Variants in CSMD1 observed in about 807,000 individuals in gnomAD.
CSMD1 encodes CUB and Sushi multiple domains 1, also known as CUB and sushi domain-containing protein 1.
Under a neutral mutation model 417.5 loss-of-function variants are expected in CSMD1, and 213 were observed. That is an observed-to-expected ratio of 0.51 (90% CI 0.46 to 0.57). The LOEUF (loss-of-function observed/expected upper bound fraction) is 0.57. Among genes scored for constraint, CSMD1 ranks in the 20% least tolerant of loss-of-function variants. The probability of loss-of-function intolerance (pLI) is 0.00; values close to 1 mark genes in which losing one functional copy is unlikely to be tolerated. For synonymous variants in CSMD1, 2,862 were observed against 1,736.8 expected (o/e 1.65, Z -16.11); for missense variants, 6,923 against 4,529.7 (o/e 1.53, Z -15.17).
At position 3,448,320 on chromosome 8, in the gene CSMD1, G is replaced by A. The variant is rs142700918; in HGVS notation, c.1561+20392C>T. Reference sequence around the variant, plus strand: ...AACTGGTGGGAAGGAAGGAAGGAAGGAAGGGAGCAAGGGAGGGAGGGAGGG... The same window carrying A: ...AACTGGTGGGAAGGAAGGAAGGAAGAAAGGGAGCAAGGGAGGGAGGGAGGG... On this transcript the variant is annotated intron_variant, in intron 12 of 69. Transcript: ENST00000635120. 6.2e-3 allele frequency among the ~76,000 whole-genome samples: 356 copies of A among 57,868 alleles called. 10 individuals are homozygous for A. Among genetic ancestry groups the A allele is most frequent in the East Asian group, 0.028 (32 of 1,138 alleles). 38.0% of individuals were successfully genotyped at this position (57,868 alleles called of 152,430 possible).
At chr8:3,430,705 G>A (rs1213682121) in intron 12 of CSMD1, among the ~76,000 whole-genome samples, 1 of 152,074 alleles carries the variant, frequency 6.6e-6, no homozygotes, top group East Asian at 1.9e-4. Context: ...TACTCAGGAG[G>A]CTGAGGCAAG....
chr8:3,947,718 T>C (rs1358413331), intron 5 of CSMD1, among the ~76,000 whole-genome samples: 1 of 152,212 alleles, frequency 6.6e-6, no homozygotes, highest in Non-Finnish European at 1.5e-5. Context: ...ACTAAGCCTT[T>C]TTTTAACGGC....
chr8:4,520,307 A>G (rs1198749345), intron 2 of CSMD1, among the ~76,000 whole-genome samples: 1 of 152,216 alleles, frequency 6.6e-6, no homozygotes, highest in Non-Finnish European at 1.5e-5. Context: ...CACATGACTA[A>G]TGTAGAACAT....
intron 2 of CSMD1, among the ~76,000 whole-genome samples, chr8:4,630,342 A>G (rs561959327): frequency 6.6e-6 from 1 of 152,090 alleles, no homozygotes; most frequent in East Asian, 1.9e-4. Flanking sequence ...GCATAATAAT[A>G]TCACTTAGGG....
intron 7 of CSMD1, among the ~76,000 whole-genome samples, chr8:3,649,714 T>C (rs1347207964): frequency 6.6e-6 from 1 of 152,160 alleles, no homozygotes; most frequent in Non-Finnish European, 1.5e-5. Context: ...GGGATTATAA[T>C]TCAAGATGAG....
chr8:4,557,416 G>A (rs1473813721), intron 2 of CSMD1, among the ~76,000 whole-genome samples: 3 of 149,660 alleles, frequency 2.0e-5, no homozygotes, highest in African/African-American at 4.9e-5. Context: ...TAATCCATCT[G>A]AAAATCTGCG....
chr8:3,565,652 C>G (rs964085913), intron 10 of CSMD1, among the ~76,000 whole-genome samples: 1 of 152,172 alleles, frequency 6.6e-6, no homozygotes, highest in East Asian at 1.9e-4. Context: ...AGTTAAAGCT[C>G]CTTCCCTAAA....
chr8:4,488,283 C>T (rs772397506), intron 2 of CSMD1, among the ~76,000 whole-genome samples: 12 of 152,162 alleles, frequency 7.9e-5, no homozygotes, highest in African/African-American at 2.7e-4. Flanking sequence ...CCCTGAAAGA[C>T]CTCTACTTCA....
chr8:4,236,035 G>GTTTTTTTTTTTTTTTTT (rs869046913), intron 3 of CSMD1, among the ~76,000 whole-genome samples: 1 of 112,612 alleles, frequency 8.9e-6, no homozygotes, highest in African/African-American at 3.9e-5. Context: ...TGTTTTTTTT[G>GTTTTTTTTTTTTTTTTT]TTTGTTTTTT....
intron 1 of CSMD1, among the ~76,000 whole-genome samples, chr8:4,972,295 T>C (rs997626336): frequency 1.3e-5 from 2 of 148,510 alleles, no homozygotes; most frequent in Non-Finnish European, 1.5e-5. Context: ...AAAAATTTCA[T>C]CTTGAATTGT....
chr8:3,290,826 G>A (rs201215232), intron 25 of CSMD1, among the ~76,000 whole-genome samples: 59 of 146,946 alleles, frequency 4.0e-4, no homozygotes, highest in Non-Finnish European at 7.5e-4. Flanking sequence ...TTTCTTTCTC[G>A]TGCCTAATTG....
chr8:3,293,637 C>T (rs575485972), intron 25 of CSMD1, among the ~76,000 whole-genome samples: 4 of 152,294 alleles, frequency 2.6e-5, no homozygotes, highest in African/African-American at 4.8e-5. Context: ...GAGGCTTGTG[C>T]ATTTGTCACG....
At chr8:3,667,533 G>T (rs534289401) in intron 7 of CSMD1, among the ~76,000 whole-genome samples, 1 of 152,256 alleles carries the variant, frequency 6.6e-6, no homozygotes, top group East Asian at 1.9e-4. Flanking sequence ...TTGGGATGAG[G>T]TCAGGAAGGA....
chr8:3,155,684 C>A (rs548918739), intron 39 of CSMD1, among the ~76,000 whole-genome samples: 8 of 152,060 alleles, frequency 5.3e-5, no homozygotes, highest in South Asian at 2.1e-4. Flanking sequence ...GGATTTTAAA[C>A]GTCTGTAAAA....
chr8:4,267,331 C>A (rs1336478123), intron 3 of CSMD1, among the ~76,000 whole-genome samples: 1 of 102,042 alleles, frequency 9.8e-6, no homozygotes, highest in African/African-American at 2.6e-5. Context: ...TATAAAATAG[C>A]AATTAGGATG....
intron 2 of CSMD1, among the ~76,000 whole-genome samples, chr8:4,577,590 G>A (rs1799198615): frequency 6.6e-6 from 1 of 152,114 alleles, no homozygotes; most frequent in Admixed American, 6.5e-5. Flanking sequence ...CCTCAGGCAG[G>A]ATCCAGTATC....
At chr8:4,841,980 C>T (rs527791198) in intron 1 of CSMD1, among the ~76,000 whole-genome samples, 18 of 147,532 alleles carry the variant, frequency 1.2e-4, no homozygotes, top group Non-Finnish European at 2.2e-4. Context: ...GCATTTTTGT[C>T]CTGCCTCTAA....
intron 15 of CSMD1, among the ~76,000 whole-genome samples, chr8:3,402,572 G>C (rs985006507): frequency 6.6e-6 from 1 of 152,224 alleles, no homozygotes; most frequent in African/African-American, 2.4e-5. Flanking sequence ...AATTCTGCCA[G>C]AATAAATAAA....
intron 3 of CSMD1, among the ~76,000 whole-genome samples, chr8:4,356,347 C>CAG (rs1312049532): frequency 6.6e-6 from 1 of 151,828 alleles, no homozygotes; most frequent in South Asian, 2.1e-4. Flanking sequence ...CACACACACA[C>CAG]ACCAGTTTCT....
Sources: allele counts gnomAD v4.1 joint callset (sites outside exome capture counted in the v4.1 genomes callset), GRCh38; gene constraint gnomAD v4.1.1; transcripts MANE v1.5; gene names NCBI Gene and HGNC (gene_info 2026-07-23, HGNC 2026-07-21).